MAGI2: variants seen among roughly 807,000 people sequenced by gnomAD.
The protein encoded by MAGI2 is membrane-associated guanylate kinase, WW and PDZ domain-containing protein 2.
A neutral mutation model predicts 133.3 loss-of-function variants in MAGI2; 35 were observed. That is an observed-to-expected ratio of 0.26 (90% CI 0.20 to 0.35). The LOEUF is 0.35. Ranked by LOEUF, MAGI2 falls within the 10% of genes least tolerant of loss-of-function variation. The pLI is 1.00. For missense variants in MAGI2, 1,636 were observed against 1,863.4 expected, an observed-to-expected ratio of 0.88 and a Z score of 2.25; for synonymous variants, 729 against 710.6, an observed-to-expected ratio of 1.03 and a Z score of -0.41.
intron 10 of MAGI2, among the ~76,000 whole-genome samples, chr7:78,215,853 ATG>A (rs1299589720): frequency 6.6e-6 from 1 of 152,206 alleles, no homozygotes; most frequent in Non-Finnish European, 1.5e-5. Flanking sequence ...AAATGCACAG[ATG>A]TAAAGTGCCT....
chr7:78,682,287 A>T (rs1346505722), intron 2 of MAGI2, among the ~76,000 whole-genome samples: 4 of 151,284 alleles, frequency 2.6e-5, no homozygotes, highest in African/African-American at 9.7e-5. Context: ...GATTTGTTAC[A>T]TAGGTATACG....
intron 1 of MAGI2, among the ~76,000 whole-genome samples, chr7:79,032,944 TC>T (rs771283751): frequency 1.3e-5 from 2 of 152,052 alleles, no homozygotes; most frequent in African/African-American, 4.8e-5. Flanking sequence ...CAAATTATTT[TC>T]CCGTGATGAA....
intron 3 of MAGI2, among the ~76,000 whole-genome samples, chr7:78,602,943 T>G (rs1302929520): frequency 6.6e-6 from 1 of 152,168 alleles, no homozygotes; most frequent in African/African-American, 2.4e-5. Context: ...ATTGACTAAA[T>G]AAGAATTACA....
At chr7:79,032,733 C>G (rs776264616) in intron 1 of MAGI2, among the ~76,000 whole-genome samples, 2 of 151,672 alleles carry the variant, frequency 1.3e-5, no homozygotes, top group Non-Finnish European at 2.9e-5. Context: ...GAAAGAGTTT[C>G]TAAACAAAAT....
At chr7:79,177,435 C>T (rs916757663) in intron 1 of MAGI2, among the ~76,000 whole-genome samples, 1 of 151,882 alleles carries the variant, frequency 6.6e-6, no homozygotes, top group Non-Finnish European at 1.5e-5. Context: ...TAGATAATGT[C>T]CTCTAAACAT....
chr7:79,046,074 G>A lies in MAGI2; in HGVS notation c.302-38868C>T, dbSNP rs115722268. On this transcript the variant is annotated intron_variant, in intron 1 of 21. Transcript: ENST00000354212. ...CTCAGTACTATCTTTGCAACTTCCT[G>A]TGTGCATATAATTATATTAAAACAA... Among the ~76,000 whole-genome samples the A allele has an allele frequency of 1.7e-3, 263 of 152,276 alleles. 4 individuals carry two copies. The highest frequency in any genetic ancestry group is 6.1e-3 in the African/African-American group (253 of 41,556).
chr7:78,533,044 C>A (rs1428109251), intron 3 of MAGI2, among the ~76,000 whole-genome samples: 1 of 151,940 alleles, frequency 6.6e-6, no homozygotes, highest in Non-Finnish European at 1.5e-5. Flanking sequence ...CGGGTTCATG[C>A]CATTCTCCTG....
chr7:79,158,274 G>C (rs1027999291), intron 1 of MAGI2, among the ~76,000 whole-genome samples: 2 of 151,890 alleles, frequency 1.3e-5, no homozygotes, highest in African/African-American at 2.4e-5. Flanking sequence ...GTATTTATGT[G>C]TTGTGTACAC....
chr7:78,181,218 G>A (rs2150692338), intron 13 of MAGI2, among the ~76,000 whole-genome samples: 1 of 152,186 alleles, frequency 6.6e-6, no homozygotes, highest in African/African-American at 2.4e-5. Context: ...AGAAATCCAA[G>A]GGCCATCTCT....
At chr7:78,957,793 A>G (rs77125854) in intron 2 of MAGI2, among the ~76,000 whole-genome samples, 3,682 of 152,200 alleles carry the variant, frequency 0.024, 147 homozygotes, top group African/African-American at 0.083. Context: ...GCATTCCTAG[A>G]AACCCTGTTG....
chr7:78,720,081 T>C (rs1585187531), intron 2 of MAGI2, among the ~76,000 whole-genome samples: 1 of 152,250 alleles, frequency 6.6e-6, no homozygotes, highest in South Asian at 2.1e-4. Context: ...TGTGGCTAGA[T>C]AAGATTACCT....
chr7:78,092,786 T>A (rs1166471829), intron 20 of MAGI2, among the ~76,000 whole-genome samples: 7 of 152,180 alleles, frequency 4.6e-5, no homozygotes, highest in Non-Finnish European at 7.3e-5. Context: ...ATCCCTTGGA[T>A]AATCAGCCAT....
chr7:78,979,434 T>C (rs1000758868), intron 2 of MAGI2, among the ~76,000 whole-genome samples: 1 of 151,858 alleles, frequency 6.6e-6, no homozygotes, highest in Non-Finnish European at 1.5e-5. Flanking sequence ...TTCTCCTCTG[T>C]GCTCCCAGGG....
At chr7:79,329,190 T>C (rs565487563) in intron 1 of MAGI2, among the ~76,000 whole-genome samples, 2 of 152,180 alleles carry the variant, frequency 1.3e-5, no homozygotes, top group Non-Finnish European at 2.9e-5. Context: ...AAGAAACTTA[T>C]AGTTTGAGAA....
In MAGI2 at chr7:78,097,488, A is replaced by G. The variant is rs575865943; in HGVS notation, c.3568-18403T>C. On this transcript the variant is annotated intron_variant, in intron 20 of 21. Coordinates refer to ENST00000354212, the MANE Select transcript of MAGI2 (RefSeq NM_012301.4). ...CCGTGGAATACCATGCAGCCATAAAAAAGAATGAGATCATGTCTTTTGTGG... is the reference window on the plus strand; with the variant it reads ...CCGTGGAATACCATGCAGCCATAAAGAAGAATGAGATCATGTCTTTTGTGG... Among the ~76,000 whole-genome samples, 129 of 152,334 alleles carry G rather than the reference A, an allele frequency of 8.5e-4. 2 individuals are homozygous for G. In the South Asian group the frequency reaches 0.011, roughly 13 times the overall value.
At chr7:78,924,040 A>T (rs1362586965) in intron 2 of MAGI2, among the ~76,000 whole-genome samples, 1 of 152,102 alleles carries the variant, frequency 6.6e-6, no homozygotes, top group Non-Finnish European at 1.5e-5. Flanking sequence ...TTGTATATTG[A>T]TTTTGTATCC....
rs767332496 is a variant in MAGI2 at position 79,399,095 on chromosome 7, CT to C, written c.301+53924del. Among the ~76,000 whole-genome samples the C allele has an allele frequency of 2.0e-3, 210 of 106,276 alleles. 3 individuals carry two copies. Among genetic ancestry groups the C allele is most frequent in the Admixed American group, 4.4e-3 (45 of 10,140 alleles). The allele number at this position is 106,276 out of a possible 152,430, so 69.7% of individuals were successfully genotyped here. ...GTATTATTTCTTTTTTTTTTCTTTT[CT>C]TTTTTTTTTTTTTTGGGAGATGGAG... On this transcript the variant is annotated intron_variant, in intron 1 of 21. Coordinates refer to ENST00000354212, the MANE Select transcript of MAGI2 (RefSeq NM_012301.4).
chr7:78,827,236 T>C (rs1790744387), intron 2 of MAGI2, among the ~76,000 whole-genome samples: 1 of 152,112 alleles, frequency 6.6e-6, no homozygotes, highest in Non-Finnish European at 1.5e-5. Context: ...CCATTCTTAA[T>C]AAAAGGAACC....
At chr7:78,724,914 C>T (rs78008114) in intron 2 of MAGI2, among the ~76,000 whole-genome samples, 9 of 152,170 alleles carry the variant, frequency 5.9e-5, no homozygotes, top group South Asian at 2.1e-4. Flanking sequence ...TGGAGAGAAG[C>T]GCTCTAAGTG....
Sources: allele counts gnomAD v4.1 joint callset (sites outside exome capture counted in the v4.1 genomes callset), GRCh38; gene constraint gnomAD v4.1.1; transcripts MANE v1.5; gene names NCBI Gene and HGNC (gene_info 2026-07-23, HGNC 2026-07-21).